Variants in FCGRT observed in about 807,000 individuals in gnomAD.
FCGRT encodes Fc gamma receptor and transporter.
Under a neutral mutation model 35.7 loss-of-function variants are expected in FCGRT, and 13 were observed. The ratio of observed to expected loss-of-function variants is 0.36; its 90% CI spans 0.24 to 0.58. The LOEUF (loss-of-function observed/expected upper bound fraction) is 0.58, where lower values mean the gene tolerates loss of function less well. FCGRT is among the 20% of genes least tolerant of loss of function. FCGRT has a pLI of 0.77. For missense variants in FCGRT, 455 were observed against 474.9 expected, an observed-to-expected ratio of 0.96 and a Z score of 0.39; for synonymous variants, 233 against 216.5, an observed-to-expected ratio of 1.08 and a Z score of -0.67.
chr19:49,525,391 G>T, intron 5 of FCGRT, 66 bp from the exon 6 acceptor site: 3 of 1,238,558 alleles, frequency 2.4e-6, no homozygotes, highest in South Asian at 1.2e-5. Context: ...GAGCGCCCCA[G>T]TTCTGTGTCC....
intron 4 of FCGRT, among the ~76,000 whole-genome samples, chr19:49,516,862 G>A (rs1271553968): frequency 2.0e-5 from 3 of 151,964 alleles, no homozygotes; most frequent in African/African-American, 7.2e-5. Flanking sequence ...GGCTTAAGGA[G>A]GGAAAGTTTC....
chr19:49,514,544 C>T lies in FCGRT; in HGVS notation c.601+58C>T, dbSNP rs1156876300. 2.8e-6 allele frequency: 4 copies of T among 1,453,626 alleles called. No individual in the cohort carries two copies. In the East Asian group the frequency reaches 9.4e-5, roughly 34 times the overall value. 90.0% of individuals were successfully genotyped at this position (1,453,626 alleles called of 1,614,324 possible). The stretch of plus-strand genomic sequence containing the variant: ...TCCTCTCTCCCGTCATGCCCACCTG[C>T]CTCAGTTCCCCTGCCAGGACCCTCC... On this transcript the variant is annotated intron_variant, in intron 4 of 6. Coordinates refer to ENST00000221466, the MANE Select transcript of FCGRT (RefSeq NM_001136019.3).
At position 49,514,365 on chromosome 19, in the gene FCGRT, C is replaced by T. The variant is rs1206628001; in HGVS notation, c.480C>T (p.Ile160=). 2.5e-6 allele frequency: 4 copies of T among 1,613,118 alleles called. No homozygotes were observed. The highest frequency in any genetic ancestry group is 4.5e-5 in the East Asian group (2 of 44,854). Residue 160 remains isoleucine (I), a synonymous_variant, in exon 4 of 7, where the codon ATC becomes ATT. Coordinates refer to ENST00000221466, the MANE Select transcript of FCGRT (RefSeq NM_001136019.3). ...WGGDWPEALA[I]SQRWQQQDKA... Reference sequence around the variant, plus strand: ...GGGACTGGCCCGAGGCCCTGGCTATCAGTCAGCGGTGGCAGCAGCAGGACA... The same window carrying T: ...GGGACTGGCCCGAGGCCCTGGCTATTAGTCAGCGGTGGCAGCAGCAGGACA...
Position 49,520,495 on chromosome 19 carries a change from G to A in FCGRT, c.602-4012G>A, listed in dbSNP as rs140031372. On this transcript the variant is annotated intron_variant, in intron 4 of 6. Transcript: ENST00000221466. ...AGGGTAGCTGGGACTACAGGCATGC[G>A]CTGCCATGCCTAGCTAATTTTTATA... Among the ~76,000 whole-genome samples the A allele has an allele frequency of 1.5e-3, 226 of 152,070 alleles. 1 individual carries two copies. Among genetic ancestry groups the A allele is most frequent in the African/African-American group, 5.1e-3 (213 of 41,490 alleles).
At chr19:49,514,507 C>T in intron 4 of FCGRT, 21 bp downstream of exon 4, 1 of 1,529,810 alleles carries the variant, frequency 6.5e-7, no homozygotes, top group Non-Finnish European at 8.8e-7. Flanking sequence ...TCTGCAGCCG[C>T]AGGCTGTTCT....
At chr19:49,525,411 G>A in intron 5 of FCGRT, 46 bp from the exon 6 acceptor site, 1 of 1,397,182 alleles carries the variant, frequency 7.2e-7, no homozygotes, top group Non-Finnish European at 1.0e-6. Context: ...CTGACTGGGT[G>A]GGGTGGAGGG....
In FCGRT at chr19:49,525,485, G is replaced by A. The variant is rs1377505338; in HGVS notation, c.900G>A (p.Val300=). The change falls in exon 6 of 7, where the codon GTG becomes GTA. Residue 300 remains valine (V), a synonymous_variant. Coordinates refer to ENST00000221466, the MANE Select transcript of FCGRT (RefSeq NM_001136019.3). The part of the protein sequence containing the change: ...LESPAKSSVL[V]VGIVIGVLLL... ...CTCCAGCCAAGTCCTCCGTGCTCGT[G>A]GTGGGAATCGTCATCGGTGTCTTGC... 1 of 1,613,818 alleles carries A rather than the reference G, an allele frequency of 6.2e-7. No individual in the cohort carries two copies. Among genetic ancestry groups the A allele is most frequent in the African/African-American group, 1.3e-5 (1 of 74,924 alleles).
chr19:49,513,797 G>T, intron 2 of FCGRT, 85 bp from the exon 3 acceptor site: 2 of 787,878 alleles, frequency 2.5e-6, no homozygotes, highest in Non-Finnish European at 1.7e-6. Context: ...CTCCATAATA[G>T]ATTCTTCTCC....
In FCGRT at chr19:49,526,359, G is replaced by A. The variant is rs1014442800; in HGVS notation, c.*240G>A. 5 of 526,552 alleles carry A rather than the reference G, an allele frequency of 9.5e-6. No homozygotes were observed. The highest frequency in any genetic ancestry group is 1.9e-5 in the African/African-American group (1 of 51,586). The allele number at this position is 526,552 out of a possible 1,614,324, so 32.6% of individuals were successfully genotyped here. On this transcript the variant is annotated 3_prime_UTR_variant, in exon 7 of 7. Coordinates refer to ENST00000221466, the MANE Select transcript of FCGRT (RefSeq NM_001136019.3). ...TCAGTGTGTTCTCATCATTTTTCAG[G>A]CAGGGGAGGTAAGGGAATAAGTCGG...
At chr19:49,525,766 C>CAG (rs1187018972) in intron 6 of FCGRT, among the ~76,000 whole-genome samples, 193 bp downstream of exon 6, 2 of 148,576 alleles carry the variant, frequency 1.3e-5, no homozygotes, top group Non-Finnish European at 3.0e-5. Context: ...GACGGGGGAA[C>CAG]AGAGACCCAG....
chr19:49,517,565 C>CAA (rs2080015570), intron 4 of FCGRT, among the ~76,000 whole-genome samples: 7 of 143,422 alleles, frequency 4.9e-5, no homozygotes, highest in African/African-American at 1.7e-4. Context: ...AGGAAGGAAG[C>CAA]GAGCATCCCA....
At chr19:49,520,382 A>C (rs1056856551) in intron 4 of FCGRT, among the ~76,000 whole-genome samples, 4 of 129,188 alleles carry the variant, frequency 3.1e-5, no homozygotes, top group African/African-American at 1.2e-4. Context: ...TTTCACTCTT[A>C]TTGCGCAGGC....
chr19:49,519,810 T>C (rs1411516802), intron 4 of FCGRT, among the ~76,000 whole-genome samples: 2 of 151,354 alleles, frequency 1.3e-5, no homozygotes, highest in Non-Finnish European at 2.9e-5. Flanking sequence ...CGGATAGCAA[T>C]GGCCATTGCC....
intron 4 of FCGRT, among the ~76,000 whole-genome samples, chr19:49,522,725 C>G (rs918241239): frequency 1.3e-5 from 2 of 150,776 alleles, no homozygotes; most frequent in African/African-American, 4.9e-5. Context: ...AGCCACCACA[C>G]CTGTCCTGAA....
intron 4 of FCGRT, chr19:49,516,328 C>T (rs985616289): frequency 2.1e-5 from 7 of 336,918 alleles, no homozygotes; most frequent in East Asian, 9.3e-5. Flanking sequence ...CTGCAACCTC[C>T]GCCTCCCAGG....
intron 4 of FCGRT, among the ~76,000 whole-genome samples, chr19:49,514,999 T>C (rs992786167): frequency 2.1e-5 from 3 of 145,770 alleles, no homozygotes; most frequent in African/African-American, 5.0e-5. Context: ...GCTCCCCCCT[T>C]TTTTTTTTTT....
Position 49,513,370 on chromosome 19 carries a change from G to GC in FCGRT, c.-14-12dup. 1.7e-6 allele frequency: 2 copies of GC among 1,175,932 alleles called. No individual in the cohort carries two copies. The highest frequency in any genetic ancestry group is 2.2e-6 in the Non-Finnish European group (2 of 926,772). 72.8% of individuals were successfully genotyped at this position (1,175,932 alleles called of 1,614,324 possible). A position where few individuals can be genotyped will look rare whatever the true frequency, so the allele number is the denominator to read the frequency against. On this transcript the variant is annotated splice_polypyrimidine_tract_variant and intron_variant, in intron 1 of 6. Transcript: ENST00000221466. ...GGCCGGGGGTCGGGAGGAGTCACGT[G>GC]CCCCCTCCCGCCCCAGGTCGTCCTC... is the stretch of plus-strand genomic sequence containing the variant.
In FCGRT at chr19:49,524,490, T is replaced by C. The variant is rs1328898870; in HGVS notation, c.602-17T>C. ...GGTGGGCTCGCGACTTAGGCCTGTC[T>C]GCCTGATTTCCTGCAGAGCCCCCCT... On this transcript the variant is annotated splice_polypyrimidine_tract_variant and intron_variant, in intron 4 of 6. Coordinates refer to ENST00000221466, the MANE Select transcript of FCGRT (RefSeq NM_001136019.3). The C allele has an allele frequency of 1.9e-6, 3 of 1,601,752 alleles. No homozygotes were observed. The African/African-American group carries it at 4.0e-5, about 21-fold the overall frequency.
At chr19:49,514,705 T>G (rs1467436923) in intron 4 of FCGRT, among the ~76,000 whole-genome samples, 22 of 150,782 alleles carry the variant, frequency 1.5e-4, no homozygotes, top group Admixed American at 5.3e-4. Flanking sequence ...TTTTTTTTTT[T>G]TTTGTGAGAC....
Sources: gnomAD v4.1 joint callset for allele counts (sites outside exome capture counted in the v4.1 genomes callset) on GRCh38, gnomAD v4.1.1 for gene constraint, MANE v1.5 for transcripts, NCBI Gene and HGNC (gene_info 2026-07-23, HGNC 2026-07-21) for gene names.